WDR70: variants seen among roughly 807,000 people sequenced by gnomAD.
The protein encoded by WDR70 is WD repeat domain 70.
WDR70 carries 53 observed loss-of-function variants against 88.6 expected under a neutral mutation model. The observed-to-expected ratio is 0.60, with a 90% CI of 0.48 to 0.75. The LOEUF (loss-of-function observed/expected upper bound fraction) is 0.75, where lower values mean the gene tolerates loss of function less well. Among genes scored for constraint, WDR70 ranks in the 30% least tolerant of loss-of-function variants. The pLI is 0.00. For missense variants in WDR70, 610 were observed against 823.2 expected, an observed-to-expected ratio of 0.74 and a Z score of 3.17; for synonymous variants, 280 against 270.0, an observed-to-expected ratio of 1.04 and a Z score of -0.36.
chr5:37,698,516 T>G (rs1747050007), intron 11 of WDR70, among the ~76,000 whole-genome samples: 1 of 152,156 alleles, frequency 6.6e-6, no homozygotes, highest in Non-Finnish European at 1.5e-5. Context: ...GTTAAGTAGA[T>G]GGGAACTATG....
intron 10 of WDR70, among the ~76,000 whole-genome samples, chr5:37,658,193 G>T (rs1745608585): frequency 6.6e-6 from 1 of 151,846 alleles, no homozygotes; most frequent in African/African-American, 2.4e-5. Flanking sequence ...GAGGAGAGAA[G>T]TTGGTCTTGC....
intron 9 of WDR70, among the ~76,000 whole-genome samples, chr5:37,576,337 G>T (rs1186976754): frequency 1.3e-5 from 2 of 151,680 alleles, no homozygotes; most frequent in Admixed American, 1.3e-4. Flanking sequence ...TCTACTTCCT[G>T]GTGTGTTCTA....
intron 10 of WDR70, among the ~76,000 whole-genome samples, chr5:37,614,441 G>A (rs1744275089): frequency 6.6e-6 from 1 of 152,068 alleles, no homozygotes; most frequent in Admixed American, 6.6e-5. Flanking sequence ...TGCCTCATAA[G>A]GTAATATATT....
At chr5:37,579,817 C>A (rs1387389263) in intron 9 of WDR70, among the ~76,000 whole-genome samples, 1 of 152,080 alleles carries the variant, frequency 6.6e-6, no homozygotes, top group Non-Finnish European at 1.5e-5. Context: ...CATCCCCAAA[C>A]ATTTTATATT....
At chr5:37,686,307 C>T (rs1746596789) in intron 10 of WDR70, among the ~76,000 whole-genome samples, 1 of 151,532 alleles carries the variant, frequency 6.6e-6, no homozygotes, top group Non-Finnish European at 1.5e-5. Flanking sequence ...AGAAGGACAC[C>T]CTGTCTCACA....
At chr5:37,385,517 T>TCA (rs1223837094) in intron 3 of WDR70, among the ~76,000 whole-genome samples, 3 of 20,604 alleles carry the variant, frequency 1.5e-4, no homozygotes, top group African/African-American at 6.8e-4. Context: ...AGAGCCTGTC[T>TCA]CAAAAAAAAA....
chr5:37,522,681 G>A (rs921317083), intron 9 of WDR70, among the ~76,000 whole-genome samples: 1 of 152,142 alleles, frequency 6.6e-6, no homozygotes, highest in Non-Finnish European at 1.5e-5. Flanking sequence ...GCAGGGCGAG[G>A]CATCACCTCA....
At chr5:37,591,110 A>T (rs1743519187) in intron 9 of WDR70, among the ~76,000 whole-genome samples, 2 of 152,166 alleles carry the variant, frequency 1.3e-5, no homozygotes, top group Admixed American at 1.3e-4. Context: ...AGGTGGGTGG[A>T]TCACTTGAGC....
chr5:37,397,882 G>C (rs1243730225), intron 5 of WDR70, among the ~76,000 whole-genome samples: 3 of 151,654 alleles, frequency 2.0e-5, no homozygotes, highest in Non-Finnish European at 4.4e-5. Context: ...TGTAGTCGCA[G>C]CTACTCGGGA....
chr5:37,577,193 C>A (rs1743084459), intron 9 of WDR70, among the ~76,000 whole-genome samples: 1 of 152,136 alleles, frequency 6.6e-6, no homozygotes, highest in Non-Finnish European at 1.5e-5. Context: ...AGTTTACAGG[C>A]AGTCCTTTGA....
In WDR70 at chr5:37,707,989, A is replaced by G. The variant is rs1353816058; in HGVS notation, c.1416+4902A>G. ...TATATATATATATATATATATATAT[A>G]TATAGTTGATTGAAAATCTTAATAT... On this transcript the variant is annotated intron_variant, in intron 13 of 17. Transcript: ENST00000265107. Among the ~76,000 whole-genome samples, 229 of 112,052 alleles carry G rather than the reference A, an allele frequency of 2.0e-3. 2 individuals carry two copies. Among genetic ancestry groups the G allele is most frequent in the African/African-American group, 6.8e-3 (221 of 32,676 alleles). The allele number at this position is 112,052 out of a possible 152,430, so 73.5% of individuals were successfully genotyped here. A position where few individuals can be genotyped will look rare whatever the true frequency, so the allele number is the denominator to read the frequency against.
At chr5:37,721,032 T>C (rs979640049) in intron 13 of WDR70, 83 bp from the exon 14 acceptor site, 26 of 1,124,676 alleles carry the variant, frequency 2.3e-5, no homozygotes, top group Non-Finnish European at 3.2e-5. Context: ...TTTGATATAG[T>C]AGACTAGCCA....
intron 9 of WDR70, among the ~76,000 whole-genome samples, chr5:37,602,635 GA>G (rs796596167): frequency 3.4e-4 from 46 of 134,612 alleles, no homozygotes; most frequent in Middle Eastern, 4.1e-3. Context: ...CAAAAAAAAA[GA>G]AAAAAAAAAG....
intron 10 of WDR70, among the ~76,000 whole-genome samples, chr5:37,690,503 T>C (rs1746759377): frequency 6.6e-6 from 1 of 152,118 alleles, no homozygotes; most frequent in East Asian, 1.9e-4. Context: ...AGACTAACAG[T>C]GGATCTCTCA....
intron 10 of WDR70, among the ~76,000 whole-genome samples, chr5:37,632,663 GTGT>G (rs1744849373): frequency 6.6e-6 from 1 of 152,136 alleles, no homozygotes; most frequent in African/African-American, 2.4e-5. Context: ...TGTGTTTTAT[GTGT>G]TATTATAAAA....
intron 17 of WDR70, among the ~76,000 whole-genome samples, chr5:37,750,075 C>A (rs1748759920): frequency 6.6e-6 from 1 of 152,098 alleles, no homozygotes; most frequent in Non-Finnish European, 1.5e-5. Context: ...AATGCATACA[C>A]CTGTTAATCA....
chr5:37,721,261 G>T, intron 14 of WDR70, 46 bp downstream of exon 14: 5 of 1,535,220 alleles, frequency 3.3e-6, no homozygotes, highest in Non-Finnish European at 4.5e-6. Context: ...CAACAACTGG[G>T]GGGAGGGATT....
At chr5:37,680,172 A>G (rs928709063) in intron 10 of WDR70, among the ~76,000 whole-genome samples, 16 of 141,286 alleles carry the variant, frequency 1.1e-4, no homozygotes, top group Middle Eastern at 3.8e-3. Flanking sequence ...TTTTTTTTTC[A>G]TATGTTTATT....
At chr5:37,423,491 A>G (rs574002919) in intron 5 of WDR70, among the ~76,000 whole-genome samples, 5 of 151,794 alleles carry the variant, frequency 3.3e-5, no homozygotes, top group Admixed American at 1.3e-4. Flanking sequence ...CTTTTTTAAA[A>G]TCATGACAGA....
Sources: allele counts gnomAD v4.1 joint callset (sites outside exome capture counted in the v4.1 genomes callset), GRCh38; gene constraint gnomAD v4.1.1; transcripts MANE v1.5; gene names NCBI Gene and HGNC (gene_info 2026-07-23, HGNC 2026-07-21).